Variants in ARL15 observed in about 807,000 individuals in gnomAD.
The protein encoded by ARL15 is ADP-ribosylation factor-like protein 15.
In ARL15, 19 loss-of-function variants were observed where a neutral mutation model predicts 25.2. The observed-to-expected ratio is 0.75, with a 90% confidence interval of 0.53 to 1.10. The LOEUF (loss-of-function observed/expected upper bound fraction) is 1.10, where lower values mean the gene tolerates loss of function less well. Among genes scored for constraint, ARL15 ranks in the 50% least tolerant of loss-of-function variants. The pLI is 0.00. For missense variants in ARL15, 220 were observed against 246.0 expected (o/e 0.89, Z 0.71); for synonymous variants, 94 against 86.8 (o/e 1.08, Z -0.46).
At chr5:54,162,758 T>C (rs1579862080) in intron 2 of ARL15, among the ~76,000 whole-genome samples, 1 of 152,230 alleles carries the variant, frequency 6.6e-6, no homozygotes, top group African/African-American at 2.4e-5. Context: ...TCTAAAACTA[T>C]CAGCTCTAAT....
rs145368891 is a variant in ARL15 at position 53,960,415 on chromosome 5, C to T, written c.463-73702G>A. Among the ~76,000 whole-genome samples, 245 of 152,256 alleles carry T rather than the reference C, an allele frequency of 1.6e-3. 1 individual carries two copies. Among genetic ancestry groups the T allele is most frequent in the African/African-American group, 5.0e-3 (209 of 41,558 alleles). ...AATGTGCTTCAGTGAAAGAATCTTA[C>T]GGCCCAAACCAATGAGGCTAGGGCA... On this transcript the variant is annotated intron_variant, in intron 4 of 4. Coordinates refer to ENST00000504924, the MANE Select transcript of ARL15 (RefSeq NM_019087.3).
chr5:54,133,431 G>A (rs1161149272), intron 3 of ARL15, among the ~76,000 whole-genome samples: 1 of 152,144 alleles, frequency 6.6e-6, no homozygotes, highest in East Asian at 1.9e-4. Flanking sequence ...AGAGAAAGTG[G>A]CAAGTGCTGG....
chr5:54,057,714 A>G (rs939638053), intron 4 of ARL15, among the ~76,000 whole-genome samples: 1 of 152,006 alleles, frequency 6.6e-6, no homozygotes, highest in African/African-American at 2.4e-5. Context: ...GCATGGTGGC[A>G]TGCACCTGGA....
chr5:54,192,980 T>C (rs751289234), intron 1 of ARL15, among the ~76,000 whole-genome samples: 54 of 152,288 alleles, frequency 3.5e-4, no homozygotes, highest in South Asian at 1.9e-3. Flanking sequence ...TCATTTGACA[T>C]GTTTCACGTA....
intron 4 of ARL15, among the ~76,000 whole-genome samples, chr5:53,984,332 CA>C (rs1748220792): frequency 6.6e-6 from 1 of 152,134 alleles, no homozygotes; most frequent in Non-Finnish European, 1.5e-5. Flanking sequence ...TTATTTGATG[CA>C]GATAAACCCT....
chr5:53,946,234 A>G (rs1406463722), intron 4 of ARL15, among the ~76,000 whole-genome samples: 1 of 152,144 alleles, frequency 6.6e-6, no homozygotes, highest in Non-Finnish European at 1.5e-5. Context: ...CAGGTGGATC[A>G]CCTGAAGTCA....
chr5:53,981,863 G>A (rs969626716), intron 4 of ARL15, among the ~76,000 whole-genome samples: 4 of 148,636 alleles, frequency 2.7e-5, no homozygotes, highest in Non-Finnish European at 5.9e-5. Flanking sequence ...TCAGGCCATT[G>A]CACTCCAGAC....
At chr5:53,978,637 G>GAA (rs58627905) in intron 4 of ARL15, among the ~76,000 whole-genome samples, 1 of 125,876 alleles carries the variant, frequency 7.9e-6, no homozygotes, top group Non-Finnish European at 1.7e-5. Context: ...AAAAAAAAAA[G>GAA]AAAAGAAAAG....
chr5:54,139,217 T>G (rs141776414), intron 3 of ARL15, among the ~76,000 whole-genome samples: 2 of 152,116 alleles, frequency 1.3e-5, no homozygotes, highest in East Asian at 3.9e-4. Context: ...TGTACACACA[T>G]GTTTATCACA....
chr5:54,100,120 TTAAATA>T (rs1461115391), intron 4 of ARL15, among the ~76,000 whole-genome samples: 10 of 152,116 alleles, frequency 6.6e-5, no homozygotes, highest in Non-Finnish European at 1.3e-4. Flanking sequence ...TAGAAAGAAC[TTAAATA>T]TAAAGAAAAC....
At chr5:54,268,254 C>T (rs559052986) in intron 1 of ARL15, among the ~76,000 whole-genome samples, 1 of 152,184 alleles carries the variant, frequency 6.6e-6, no homozygotes, top group African/African-American at 2.4e-5. Context: ...TCCAGTTGAT[C>T]GCATCGGCTC....
intron 3 of ARL15, among the ~76,000 whole-genome samples, chr5:54,135,205 A>C (rs1344440360): frequency 6.6e-6 from 1 of 152,318 alleles, no homozygotes; most frequent in East Asian, 1.9e-4. Context: ...CATGACTAAA[A>C]ACAGCTGGAT....
At chr5:54,172,809 TTAAA>T (rs574224453) in intron 1 of ARL15, among the ~76,000 whole-genome samples, 2 of 152,334 alleles carry the variant, frequency 1.3e-5, no homozygotes, top group Admixed American at 6.5e-5. Context: ...TTTAAAATCA[TTAAA>T]TAGAGTCTCT....
At chr5:54,067,526 A>T (rs1280865738) in intron 4 of ARL15, among the ~76,000 whole-genome samples, 1 of 152,208 alleles carries the variant, frequency 6.6e-6, no homozygotes, top group Non-Finnish European at 1.5e-5. Context: ...CAGAATAAAA[A>T]TATGTACAGG....
chr5:54,038,678 T>C (rs1750243444), intron 4 of ARL15, among the ~76,000 whole-genome samples: 1 of 149,658 alleles, frequency 6.7e-6, no homozygotes, highest in African/African-American at 2.6e-5. Context: ...CTAACACTTA[T>C]AAATATAATT....
At chr5:54,070,408 G>T (rs1019892195) in intron 4 of ARL15, among the ~76,000 whole-genome samples, 1 of 151,844 alleles carries the variant, frequency 6.6e-6, no homozygotes, top group Admixed American at 6.5e-5. Context: ...AAAAAAGTTG[G>T]TTTGGCTCTC....
At chr5:54,133,193 C>T (rs569250827) in intron 3 of ARL15, among the ~76,000 whole-genome samples, 46 of 152,076 alleles carry the variant, frequency 3.0e-4, no homozygotes, top group Non-Finnish European at 5.6e-4. Flanking sequence ...CAGATCTATA[C>T]CAAATTACAC....
chr5:54,203,895 G>A (rs1755788119), intron 1 of ARL15, among the ~76,000 whole-genome samples: 1 of 152,098 alleles, frequency 6.6e-6, no homozygotes, highest in Admixed American at 6.6e-5. Flanking sequence ...GTTCCTACAG[G>A]CAGGGGCAGG....
At chr5:54,102,483 G>A (rs1752469937) in intron 4 of ARL15, among the ~76,000 whole-genome samples, 1 of 152,108 alleles carries the variant, frequency 6.6e-6, no homozygotes. Context: ...AATAACAGTA[G>A]TAACAATAGT....
Sources: allele counts gnomAD v4.1 joint callset (sites outside exome capture counted in the v4.1 genomes callset), GRCh38; gene constraint gnomAD v4.1.1; transcripts MANE v1.5; gene names NCBI Gene and HGNC (gene_info 2026-07-23, HGNC 2026-07-21).